SDCCAG8: variants seen among roughly 807,000 people sequenced by gnomAD.
SDCCAG8 encodes SHH signaling and ciliogenesis regulator SDCCAG8, also known as serologically defined colon cancer antigen 8.
SDCCAG8 carries 74 observed loss-of-function variants against 101.8 expected under a neutral mutation model. The ratio of observed to expected loss-of-function variants is 0.73; its 90% CI spans 0.60 to 0.88. The LOEUF (loss-of-function observed/expected upper bound fraction) is 0.88, where lower values mean the gene tolerates loss of function less well. Among genes scored for constraint, SDCCAG8 ranks in the 40% least tolerant of loss-of-function variants. The pLI, the probability that SDCCAG8 is intolerant of heterozygous loss-of-function variation, is 0.00. For missense variants in SDCCAG8, 787 were observed against 822.6 expected, an observed-to-expected ratio of 0.96 and a Z score of 0.53; for synonymous variants, 281 against 292.9, an observed-to-expected ratio of 0.96 and a Z score of 0.41.
chr1:243,263,328 A>T (rs148550907), intron 1 of SDCCAG8, among the ~76,000 whole-genome samples: 1 of 152,310 alleles, frequency 6.6e-6, no homozygotes, highest in African/African-American at 2.4e-5. Flanking sequence ...CCCTTCCAAA[A>T]GAGAATTATC....
intron 16 of SDCCAG8, among the ~76,000 whole-genome samples, chr1:243,429,373 G>A (rs1234394820): frequency 1.3e-5 from 2 of 152,022 alleles, no homozygotes; most frequent in Non-Finnish European, 2.9e-5. Flanking sequence ...CTGGTCAACA[G>A]TAGGCTGTTG....
chr1:243,408,237 G>A (rs1274583662), intron 13 of SDCCAG8, among the ~76,000 whole-genome samples: 1 of 152,142 alleles, frequency 6.6e-6, no homozygotes, highest in Non-Finnish European at 1.5e-5. Context: ...ACACAACTGT[G>A]TACCAGGCAC....
At chr1:243,354,939 C>T (rs1273495546) in intron 12 of SDCCAG8, among the ~76,000 whole-genome samples, 3 of 152,154 alleles carry the variant, frequency 2.0e-5, no homozygotes, top group Non-Finnish European at 4.4e-5. Flanking sequence ...AGACAGACCA[C>T]GCTACAAAGA....
chr1:243,470,474 C>G (rs1008406604), intron 16 of SDCCAG8, among the ~76,000 whole-genome samples: 1 of 151,638 alleles, frequency 6.6e-6, no homozygotes, highest in African/African-American at 2.4e-5. Flanking sequence ...ATTTTTTTTT[C>G]CTTTTCCTTT....
At chr1:243,274,709 T>G (rs1484967766) in intron 4 of SDCCAG8, 53 bp downstream of exon 4, 36 of 1,043,666 alleles carry the variant, frequency 3.4e-5, no homozygotes, top group Non-Finnish European at 3.2e-5. Flanking sequence ...TTATATTAAC[T>G]ATAGATTGTA....
chr1:243,397,483 G>A (rs911388731), intron 13 of SDCCAG8, among the ~76,000 whole-genome samples: 4 of 152,100 alleles, frequency 2.6e-5, no homozygotes, highest in Non-Finnish European at 4.4e-5. Flanking sequence ...TTAAAGTGAA[G>A]GTTAACGTTC....
Position 243,474,343 on chromosome 1 carries a change from C to A in SDCCAG8, c.1986-14671C>A, listed in dbSNP as rs568241462. ...GCCAAAGTCCAGAGGCCCTGCGAGC[C>A]CCCGTGGAGTCGCCTGAGCCAGATG... On this transcript the variant is annotated intron_variant, in intron 16 of 17. Transcript: ENST00000366541. This position sits in a 1 kb window ranked among gnomAD's most constrained non-coding sequence, Gnocchi z 4.7. 5.8e-4 allele frequency among the ~76,000 whole-genome samples: 89 copies of A among 152,308 alleles called. 1 individual carries two copies. The highest frequency in any genetic ancestry group is 2.1e-3 in the African/African-American group (87 of 41,582).
At chr1:243,434,892 A>C (rs932963154) in intron 16 of SDCCAG8, among the ~76,000 whole-genome samples, 1 of 152,222 alleles carries the variant, frequency 6.6e-6, no homozygotes, top group Non-Finnish European at 1.5e-5. Context: ...GGCAGCTGCT[A>C]TAACTGATTA....
At chr1:243,420,317 C>A (rs1480671799) in intron 15 of SDCCAG8, among the ~76,000 whole-genome samples, 3 of 152,240 alleles carry the variant, frequency 2.0e-5, no homozygotes, top group Non-Finnish European at 2.9e-5. Context: ...CGCATACATA[C>A]ACGTATCAAG....
At chr1:243,444,203 A>G (rs1341123987) in intron 16 of SDCCAG8, among the ~76,000 whole-genome samples, 1 of 152,184 alleles carries the variant, frequency 6.6e-6, no homozygotes, top group African/African-American at 2.4e-5. Flanking sequence ...AGAAGCAGCA[A>G]AACAATATGT....
chr1:243,487,712 G>A (rs1665288344), intron 16 of SDCCAG8: 2 of 152,392 alleles, frequency 1.3e-5, no homozygotes, highest in African/African-American at 4.8e-5. Flanking sequence ...TTGTGGGCGT[G>A]GCAGTCGGAG....
At position 243,270,149 on chromosome 1, in the gene SDCCAG8, G is replaced by C; in HGVS notation, c.112G>C (p.Glu38Gln). The change falls in exon 2 of 18, where the codon GAA becomes CAA. Residue 38 changes from glutamate (E) to glutamine (Q), a missense_variant. Coordinates refer to ENST00000366541, the MANE Select transcript of SDCCAG8 (RefSeq NM_006642.5). Reference sequence around the variant, plus strand: ...TCACCAACTGACATGTGCCCTGAAAGAAGGCGATGTCACTATTGGAGAAGA... The same window carrying C: ...TCACCAACTGACATGTGCCCTGAAACAAGGCGATGTCACTATTGGAGAAGA... ...SIHQLTCALK[E>Q]GDVTIGEDAP... is the part of the protein sequence containing the mutation. 6.2e-7 allele frequency: 1 copy of C among 1,614,200 alleles called. No individual in the cohort carries two copies. The highest frequency in any genetic ancestry group is 1.3e-5 in the African/African-American group (1 of 75,038).
intron 14 of SDCCAG8, 67 bp from the exon 15 acceptor site, chr1:243,417,901 T>C (rs1201112914): frequency 8.9e-7 from 1 of 1,129,662 alleles, no homozygotes; most frequent in Non-Finnish European, 1.4e-6. Context: ...CCACTCTATG[T>C]ATGGAAGCAC....
chr1:243,279,386 TTACC>T (rs2068838386), intron 4 of SDCCAG8, among the ~76,000 whole-genome samples: 1 of 152,228 alleles, frequency 6.6e-6, no homozygotes, highest in Admixed American at 6.5e-5. Context: ...TATTGGTTGT[TTACC>T]TCTGTGATTG....
intron 16 of SDCCAG8, among the ~76,000 whole-genome samples, chr1:243,483,316 C>T (rs996304353): frequency 2.6e-5 from 4 of 152,104 alleles, no homozygotes; most frequent in Admixed American, 1.3e-4. Context: ...GCCGCCACCC[C>T]GCTGCCTCGT....
In SDCCAG8 at chr1:243,443,145, T is replaced by G. The variant is rs143426238; in HGVS notation, c.1985+16587T>G. ...GGAGCTCTATTGTGTTTTATTTTGA[T>G]GTAGGAACAAGTGTGTGTCCATGGC... On this transcript the variant is annotated intron_variant, in intron 16 of 17. Coordinates refer to ENST00000366541, the MANE Select transcript of SDCCAG8 (RefSeq NM_006642.5). Among the ~76,000 whole-genome samples, 3 of 152,334 alleles carry G rather than the reference T, an allele frequency of 2.0e-5. No individual in the cohort carries two copies. The East Asian group carries it at 5.8e-4, about 29-fold the overall frequency.
chr1:243,277,016 A>G (rs1351092350), intron 4 of SDCCAG8, among the ~76,000 whole-genome samples: 1 of 152,178 alleles, frequency 6.6e-6, no homozygotes, highest in Non-Finnish European at 1.5e-5. Flanking sequence ...ATTCAATTAG[A>G]TGAATATACC....
At chr1:243,297,953 T>C (rs2071096210) in intron 6 of SDCCAG8, among the ~76,000 whole-genome samples, 2 of 152,166 alleles carry the variant, frequency 1.3e-5, no homozygotes, top group South Asian at 4.1e-4. Context: ...TCCTTAATTA[T>C]GTAGTTGTTT....
intron 3 of SDCCAG8, 69 bp from the exon 4 acceptor site, chr1:243,274,474 C>G (rs2068358806): frequency 1.1e-6 from 1 of 906,206 alleles, no homozygotes; most frequent in Non-Finnish European, 1.8e-6. Context: ...TTGCTAAATC[C>G]AAACATGCTT....
Sources: allele counts gnomAD v4.1 joint callset (sites outside exome capture counted in the v4.1 genomes callset), GRCh38; gene constraint gnomAD v4.1.1; non-coding constraint Gnocchi (gnomAD v3.1); transcripts MANE v1.5; gene names NCBI Gene and HGNC (gene_info 2026-07-23, HGNC 2026-07-21).